The following ZFYVE16 variants were observed in gnomAD, a reference collection of about 807,000 sequenced individuals.
ZFYVE16 encodes the protein zinc finger FYVE-type containing 16, also known as zinc finger FYVE domain-containing protein 16.
In ZFYVE16, 89 loss-of-function variants were observed where a neutral mutation model predicts 138.1. The ratio of observed to expected loss-of-function variants is 0.64; its 90% CI spans 0.54 to 0.77. ZFYVE16 has a LOEUF of 0.77. Ranked by LOEUF, ZFYVE16 falls within the 30% of genes least tolerant of loss-of-function variation. ZFYVE16 has a pLI of 0.00. For missense variants in ZFYVE16, 1,793 were observed against 1,786.7 expected, an observed-to-expected ratio of 1.00 and a Z score of -0.06; for synonymous variants, 596 against 618.3, an observed-to-expected ratio of 0.96 and a Z score of 0.53.
intron 11 of ZFYVE16, 106 bp downstream of exon 11, chr5:80,451,815 T>C: frequency 8.9e-7 from 1 of 1,126,926 alleles, no homozygotes; most frequent in East Asian, 2.4e-5. Flanking sequence ...TGGAACTACT[T>C]TTGTTTTGCT....
chr5:80,438,463 A>T lies in ZFYVE16; in HGVS notation c.1778A>T (p.Asn593Ile), dbSNP rs1160463585. 1.2e-6 allele frequency: 2 copies of T among 1,613,682 alleles called. No homozygotes were observed. Among genetic ancestry groups the T allele is most frequent in the African/African-American group, 2.7e-5 (2 of 74,894 alleles). Reference sequence around the variant, plus strand: ...GCTATTGGGGAAAGTCATGGTATTAATATAATTTGTGAAATAGTTGATAAA... The same window carrying T: ...GCTATTGGGGAAAGTCATGGTATTATTATAATTTGTGAAATAGTTGATAAA... The part of the protein sequence containing the change: ...AGAIGESHGI[N>I]IICEIVDKQN... The change falls in exon 4 of 19, where the codon AAT becomes ATT. Residue 593 changes from asparagine (N) to isoleucine (I), a missense_variant. Asn to Ile is a moderately radical substitution (Grantham distance 149). Transcript: ENST00000505560.
chr5:80,480,851 T>C lies in ZFYVE16; in HGVS notation c.*3474T>C, dbSNP rs1225258665. On this transcript the variant is annotated 3_prime_UTR_variant, in exon 19 of 19. Coordinates refer to ENST00000505560, the MANE Select transcript of ZFYVE16 (RefSeq NM_001284236.3). ...GGGAGGATCACTTGAGCCCAGGAGGTTAAGGCTCCAGTGAGCTGTGATCGT... is the reference window on the plus strand; with the variant it reads ...GGGAGGATCACTTGAGCCCAGGAGGCTAAGGCTCCAGTGAGCTGTGATCGT... 6.6e-6 allele frequency among the ~76,000 whole-genome samples: 1 copy of C among 151,718 alleles called. No homozygotes were observed. Among genetic ancestry groups the C allele is most frequent in the African/African-American group, 2.4e-5 (1 of 41,272 alleles).
rs1755273090 is a variant in ZFYVE16 at position 80,481,610 on chromosome 5, A to G, written c.*4233A>G. ...AACTTAACTGAATTGATGGTCTGCT[A>G]AAACAAAACAAAACAAAAACATTCT... On this transcript the variant is annotated 3_prime_UTR_variant, in exon 19 of 19. Transcript: ENST00000505560. 6.6e-6 allele frequency among the ~76,000 whole-genome samples: 1 copy of G among 152,080 alleles called. No homozygotes were observed. Among genetic ancestry groups the G allele is most frequent in the African/African-American group, 2.4e-5 (1 of 41,332 alleles).
At chr5:80,460,286 A>G (rs561496895) in intron 15 of ZFYVE16, among the ~76,000 whole-genome samples, 53 of 152,208 alleles carry the variant, frequency 3.5e-4, no homozygotes, top group African/African-American at 1.3e-3. Flanking sequence ...TCTTCTGTGA[A>G]ATGTCTGCCC....
intron 1 of ZFYVE16, among the ~76,000 whole-genome samples, chr5:80,416,256 T>A (rs1484465549): frequency 2.9e-5 from 4 of 138,410 alleles, no homozygotes; most frequent in Admixed American, 1.4e-4. Context: ...GATTTTTTTT[T>A]TTTTTTTTTT....
intron 8 of ZFYVE16, 82 bp from the exon 9 acceptor site, chr5:80,449,509 G>T (rs1245541306): frequency 4.9e-6 from 7 of 1,435,246 alleles, no homozygotes; most frequent in Non-Finnish European, 6.6e-6. Context: ...GCCACTGGTG[G>T]ATTTATAAAT....
chr5:80,435,659 C>A, intron 3 of ZFYVE16: 1 of 375,646 alleles, frequency 2.7e-6, no homozygotes, highest in South Asian at 1.9e-5. Context: ...GCCTTGAATT[C>A]CTGCCCTCAG....
chr5:80,426,776 T>C (rs1305289119), intron 1 of ZFYVE16, among the ~76,000 whole-genome samples: 1 of 152,218 alleles, frequency 6.6e-6, no homozygotes, highest in Non-Finnish European at 1.5e-5. Context: ...AATAGAATGA[T>C]TTCTATTCCT....
chr5:80,425,686 C>G (rs1747881541), intron 1 of ZFYVE16, among the ~76,000 whole-genome samples: 1 of 152,066 alleles, frequency 6.6e-6, no homozygotes, highest in Admixed American at 6.6e-5. Context: ...TTAACTTGTC[C>G]CTTATGCTTG....
intron 8 of ZFYVE16, 141 bp from the exon 9 acceptor site, chr5:80,449,450 G>A (rs1751748169): frequency 5.2e-6 from 4 of 764,560 alleles, no homozygotes; most frequent in Non-Finnish European, 4.1e-6. Context: ...AGTTGTCTGG[G>A]GTGTTGATTT....
chr5:80,423,461 T>C (rs1747535021), intron 1 of ZFYVE16, among the ~76,000 whole-genome samples: 1 of 152,210 alleles, frequency 6.6e-6, no homozygotes, highest in African/African-American at 2.4e-5. Flanking sequence ...TGAGTTTTTG[T>C]TTAATTGGTT....
intron 8 of ZFYVE16, among the ~76,000 whole-genome samples, chr5:80,449,008 A>G (rs1751696367): frequency 6.6e-6 from 1 of 152,128 alleles, no homozygotes; most frequent in Non-Finnish European, 1.5e-5. Context: ...ATGTAGAGGA[A>G]TGAAGCTTTG....
intron 2 of ZFYVE16, among the ~76,000 whole-genome samples, chr5:80,432,930 A>T (rs890261942): frequency 4.6e-5 from 7 of 152,218 alleles, no homozygotes; most frequent in African/African-American, 1.4e-4. Context: ...ATCCTTAAAA[A>T]GTCAGGAAAC....
In ZFYVE16 at chr5:80,465,583, A is replaced by G. The variant is rs1184139360; in HGVS notation, c.4024+6089A>G. On this transcript the variant is annotated intron_variant, in intron 15 of 18. Transcript: ENST00000505560. The stretch of plus-strand genomic sequence containing the variant: ...ACCAGGTTTGGCTAATTTTTTTTCT[A>G]TTTTTTGTAGAGACAGGGTCTCACT... 1.0e-4 allele frequency among the ~76,000 whole-genome samples: 15 copies of G among 149,184 alleles called. No individual in the cohort carries two copies. The East Asian group carries it at 2.2e-3, about 21-fold the overall frequency.
intron 14 of ZFYVE16, among the ~76,000 whole-genome samples, chr5:80,458,994 G>A (rs1032725974): frequency 3.3e-5 from 5 of 152,152 alleles, no homozygotes; most frequent in East Asian, 1.9e-4. Flanking sequence ...GCAGTGGCGC[G>A]ATCTTGGCTC....
chr5:80,462,344 C>T (rs548983787), intron 15 of ZFYVE16, among the ~76,000 whole-genome samples: 2 of 152,250 alleles, frequency 1.3e-5, no homozygotes, highest in African/African-American at 4.8e-5. Context: ...GGAAGCAAGG[C>T]ACCTTCTTCA....
At position 80,456,437 on chromosome 5, in the gene ZFYVE16, T is replaced by C. The variant is rs563813901; in HGVS notation, c.3691-24T>C. 9.1e-6 allele frequency: 14 copies of C among 1,535,988 alleles called. No homozygotes were observed. The East Asian group carries it at 2.0e-4, about 22-fold the overall frequency. On this transcript the variant is annotated intron_variant, in intron 12 of 18. Transcript: ENST00000505560. ...AAAAATACTCATGGTTAGTAGTTTA[T>C]GGTAATGCAATTATTCTATGTAGGA... is the stretch of plus-strand genomic sequence containing the variant.
chr5:80,477,180 A>T, intron 18 of ZFYVE16, 39 bp from the exon 19 acceptor site: 1 of 1,526,772 alleles, frequency 6.5e-7, no homozygotes, highest in Non-Finnish European at 8.8e-7. Flanking sequence ...GTTAAACAAG[A>T]TTGCTCATTT....
chr5:80,455,668 C>A (rs752210528), intron 11 of ZFYVE16, 24 bp from the exon 12 acceptor site: 4 of 1,588,398 alleles, frequency 2.5e-6, no homozygotes, highest in South Asian at 1.1e-5. Context: ...TTGATAGTAA[C>A]CAGTTTTCCT....
Sources: allele counts gnomAD v4.1 joint callset (sites outside exome capture counted in the v4.1 genomes callset), GRCh38; gene constraint gnomAD v4.1.1; transcripts MANE v1.5; gene names NCBI Gene and HGNC (gene_info 2026-07-23, HGNC 2026-07-21).